Variants in SDCCAG8 observed in about 807,000 individuals in gnomAD.
The protein encoded by SDCCAG8 is SHH signaling and ciliogenesis regulator SDCCAG8.
A neutral mutation model predicts 101.8 loss-of-function variants in SDCCAG8; 74 were observed. The ratio of observed to expected loss-of-function variants is 0.73; its 90% CI spans 0.60 to 0.88. The LOEUF (loss-of-function observed/expected upper bound fraction) is 0.88, where lower values mean the gene tolerates loss of function less well. Ranked by LOEUF, SDCCAG8 falls within the 40% of genes least tolerant of loss-of-function variation. SDCCAG8 has a pLI of 0.00. For missense variants in SDCCAG8, 787 were observed against 822.6 expected, an observed-to-expected ratio of 0.96 and a Z score of 0.53; for synonymous variants, 281 against 292.9, an observed-to-expected ratio of 0.96 and a Z score of 0.41.
intron 16 of SDCCAG8, among the ~76,000 whole-genome samples, chr1:243,450,961 A>T (rs1371720132): frequency 1.3e-5 from 2 of 152,258 alleles, no homozygotes; most frequent in Non-Finnish European, 2.9e-5. Context: ...ATAGCATTTA[A>T]TTCTAAAATG....
chr1:243,304,722 A>G lies in SDCCAG8; in HGVS notation c.685A>G (p.Lys229Glu). ...TTTTTCTTTTCTATAGGAGAAGCTA[A>G]AACTTACTTATGAGGAAAAGTGTGA... is the stretch of plus-strand genomic sequence containing the variant. Reference protein sequence around the residue: ...AGEQLELEKLKLTYEEKCEIE... With the variant: ...AGEQLELEKLELTYEEKCEIE... Residue 229 changes from lysine to glutamate, a missense_variant, in exon 7 of 18, where the codon AAA becomes GAA. By Grantham distance (56) the Lys-to-Glu change is moderately conservative. Transcript: ENST00000366541. 6.4e-7 allele frequency: 1 copy of G among 1,573,466 alleles called. No homozygotes were observed. The highest frequency in any genetic ancestry group is 8.7e-7 in the Non-Finnish European group (1 of 1,143,298).
chr1:243,360,492 C>G (rs1397973430), intron 12 of SDCCAG8, among the ~76,000 whole-genome samples: 1 of 151,950 alleles, frequency 6.6e-6, no homozygotes, highest in Non-Finnish European at 1.5e-5. Flanking sequence ...TTCTCCTCAT[C>G]TAGCCCCTTC....
At chr1:243,396,139 G>A (rs963303474) in intron 13 of SDCCAG8, among the ~76,000 whole-genome samples, 4 of 152,050 alleles carry the variant, frequency 2.6e-5, no homozygotes, top group Non-Finnish European at 4.4e-5. Context: ...TAAAGAATAT[G>A]ATATCTAAAA....
intron 15 of SDCCAG8, among the ~76,000 whole-genome samples, chr1:243,423,911 G>A (rs2081176021): frequency 6.6e-6 from 1 of 151,908 alleles, no homozygotes; most frequent in Non-Finnish European, 1.5e-5. Context: ...GTACCTTATA[G>A]GATTAATTGA....
chr1:243,368,101 A>C (rs562097794), intron 12 of SDCCAG8, among the ~76,000 whole-genome samples: 1 of 152,042 alleles, frequency 6.6e-6, no homozygotes, highest in South Asian at 2.1e-4. Flanking sequence ...GTGTAGTCCC[A>C]GCTACTTGGG....
intron 10 of SDCCAG8, 73 bp downstream of exon 10, chr1:243,330,765 G>A (rs982647498): frequency 2.7e-6 from 4 of 1,482,516 alleles, no homozygotes; most frequent in Non-Finnish European, 2.8e-6. Flanking sequence ...GATTCCATAG[G>A]CTGGAGTTCT....
chr1:243,411,180 T>C (rs2080146777), intron 13 of SDCCAG8, among the ~76,000 whole-genome samples: 1 of 152,114 alleles, frequency 6.6e-6, no homozygotes, highest in Admixed American at 6.6e-5. Flanking sequence ...GTGGTGTAGT[T>C]ATGGCTCACT....
intron 13 of SDCCAG8, among the ~76,000 whole-genome samples, chr1:243,400,405 TGCC>T (rs2079304137): frequency 6.6e-6 from 1 of 152,240 alleles, no homozygotes; most frequent in African/African-American, 2.4e-5. Context: ...ATCTCATCAG[TGCC>T]TCTGCAACAC....
chr1:243,294,506 C>CGAGAGGGAGAGAGAGAGAGAGAGA (rs1553298250), intron 6 of SDCCAG8, among the ~76,000 whole-genome samples: 1 of 105,884 alleles, frequency 9.4e-6, no homozygotes, highest in Non-Finnish European at 1.9e-5. Flanking sequence ...AGAGAAAGAG[C>CGAGAGGGAGAGAGAGAGAGAGAGA]GAGAGAGAGA....
At chr1:243,379,627 A>G (rs192327286) in intron 13 of SDCCAG8, among the ~76,000 whole-genome samples, 1 of 152,310 alleles carries the variant, frequency 6.6e-6, no homozygotes, top group Non-Finnish European at 1.5e-5. Context: ...ACTTTATCAT[A>G]TGTGGTTTCT....
chr1:243,444,644 A>G (rs977355167), intron 16 of SDCCAG8, among the ~76,000 whole-genome samples: 1 of 152,154 alleles, frequency 6.6e-6, no homozygotes, highest in Non-Finnish European at 1.5e-5. Context: ...CAGCCTCCCA[A>G]AATGCTAGGA....
At chr1:243,345,098 T>C (rs1208783153) in intron 12 of SDCCAG8, among the ~76,000 whole-genome samples, 1 of 152,194 alleles carries the variant, frequency 6.6e-6, no homozygotes, top group East Asian at 1.9e-4. Context: ...GTGTCAATAT[T>C]TTAAAATAAT....
intron 1 of SDCCAG8, among the ~76,000 whole-genome samples, chr1:243,264,404 C>T (rs533649787): frequency 2.5e-4 from 38 of 152,174 alleles, no homozygotes; most frequent in African/African-American, 7.7e-4. Context: ...CACCTGAGGT[C>T]GAGGGTTTGA....
chr1:243,261,874 T>A (rs560986527), intron 1 of SDCCAG8, among the ~76,000 whole-genome samples: 4 of 150,586 alleles, frequency 2.7e-5, no homozygotes, highest in Admixed American at 6.6e-5. Context: ...TTTTTTTTTT[T>A]AATCTCAGCT....
chr1:243,332,007 A>G (rs2074637189), intron 10 of SDCCAG8, among the ~76,000 whole-genome samples: 1 of 152,244 alleles, frequency 6.6e-6, no homozygotes, highest in African/African-American at 2.4e-5. Context: ...GGCAGTCACG[A>G]AAGACTTTCC....
At chr1:243,273,042 T>G (rs901865722) in intron 3 of SDCCAG8, among the ~76,000 whole-genome samples, 1 of 152,226 alleles carries the variant, frequency 6.6e-6, no homozygotes, top group African/African-American at 2.4e-5. Context: ...TGTATACTCA[T>G]AGTAGTAATT....
intron 16 of SDCCAG8, among the ~76,000 whole-genome samples, chr1:243,426,819 G>A (rs928337506): frequency 1.3e-5 from 2 of 152,192 alleles, no homozygotes; most frequent in Non-Finnish European, 2.9e-5. Context: ...ATGGAGGAAA[G>A]CCATTTTCCT....
At chr1:243,437,229 A>G (rs922050742) in intron 16 of SDCCAG8, among the ~76,000 whole-genome samples, 3 of 152,320 alleles carry the variant, frequency 2.0e-5, no homozygotes, top group South Asian at 4.1e-4. Context: ...GAAAACCTAG[A>G]TTGCCTGTCT....
At chr1:243,417,045 A>G (rs2080634992) in intron 14 of SDCCAG8, among the ~76,000 whole-genome samples, 1 of 152,228 alleles carries the variant, frequency 6.6e-6, no homozygotes, top group Admixed American at 6.5e-5. Flanking sequence ...AAAATTGCCA[A>G]CAGGCAAGTC....
Sources: allele counts gnomAD v4.1 joint callset (sites outside exome capture counted in the v4.1 genomes callset), GRCh38; gene constraint gnomAD v4.1.1; transcripts MANE v1.5; gene names NCBI Gene and HGNC (gene_info 2026-07-23, HGNC 2026-07-21).